Variants in ARF3 observed in about 807,000 individuals in gnomAD.
ARF3 encodes the protein ARF GTPase 3, also known as ADP-ribosylation factor 3.
Under a neutral mutation model 19.3 loss-of-function variants are expected in ARF3, and 5 were observed. The observed-to-expected ratio is 0.26, with a 90% CI of 0.14 to 0.54. The LOEUF (loss-of-function observed/expected upper bound fraction) is 0.54, where lower values mean the gene tolerates loss of function less well. ARF3 is among the 20% of genes least tolerant of loss of function. The pLI is 0.95. For missense variants in ARF3, 77 were observed against 234.2 expected (o/e 0.33, Z 4.38); for synonymous variants, 71 against 89.2 (o/e 0.80, Z 1.15).
Position 48,938,868 on chromosome 12 carries a change from AG to A in ARF3, c.*78del. On this transcript the variant is annotated 3_prime_UTR_variant, in exon 5 of 5. Transcript: ENST00000256682. ...GGGCCCTGGCCACACTTGCATGGAG[AG>A]GAAGGGGTAGGACTGGGGCAGGGTG... The A allele has an allele frequency of 2.6e-6, 4 of 1,536,450 alleles. No individual in the cohort carries two copies. In the South Asian group the frequency reaches 5.0e-5, roughly 19 times the overall value.
chr12:48,947,624 T>C (rs530432068), intron 1 of ARF3, among the ~76,000 whole-genome samples: 38 of 152,280 alleles, frequency 2.5e-4, no homozygotes, highest in South Asian at 2.5e-3. Flanking sequence ...CAAACATTTA[T>C]TGGGCATACT....
chr12:48,940,532 C>G (rs1940236451), intron 2 of ARF3, among the ~76,000 whole-genome samples: 1 of 152,206 alleles, frequency 6.6e-6, no homozygotes, highest in Non-Finnish European at 1.5e-5. Context: ...AGCCAGCTGA[C>G]AATGCTGACT....
intron 1 of ARF3, among the ~76,000 whole-genome samples, chr12:48,953,745 T>A (rs191565116): frequency 1.7e-3 from 255 of 152,354 alleles, no homozygotes; most frequent in African/African-American, 4.3e-3. Flanking sequence ...AATCCCTACT[T>A]TAGTCAGTTC....
At chr12:48,951,289 G>C (rs541287926) in intron 1 of ARF3, among the ~76,000 whole-genome samples, 1 of 152,306 alleles carries the variant, frequency 6.6e-6, no homozygotes, top group Non-Finnish European at 1.5e-5. Context: ...AGCCAGGCGC[G>C]GTGGCTCATA....
chr12:48,945,134 C>CT (rs1257308569), intron 1 of ARF3, among the ~76,000 whole-genome samples: 2 of 91,138 alleles, frequency 2.2e-5, no homozygotes, highest in Non-Finnish European at 4.1e-5. Flanking sequence ...GAGGAAGACT[C>CT]TGTCTTAAAA....
intron 1 of ARF3, among the ~76,000 whole-genome samples, chr12:48,948,351 C>A (rs1395226565): frequency 6.6e-6 from 1 of 151,528 alleles, no homozygotes; most frequent in East Asian, 1.9e-4. Flanking sequence ...CTCAAACAAT[C>A]CTACTGCCTC....
intron 1 of ARF3, among the ~76,000 whole-genome samples, chr12:48,944,469 C>G (rs833830): frequency 0.83 from 126,481 of 152,196 alleles, 53,980 homozygotes; most frequent in East Asian, 1. Flanking sequence ...ACTACCTTGT[C>G]GAGTTTTTCT....
intron 1 of ARF3, among the ~76,000 whole-genome samples, chr12:48,952,113 T>C (rs751760163): frequency 1.3e-5 from 2 of 152,160 alleles, no homozygotes; most frequent in Non-Finnish European, 2.9e-5. Flanking sequence ...GCTCAATTAG[T>C]GGTGTTTAGG....
rs1940184087 is a variant in ARF3, at chr12:48,938,275, G to A, written c.*672C>T. 3 of 407,636 alleles carry A rather than the reference G, an allele frequency of 7.4e-6. No homozygotes were observed. Among genetic ancestry groups the A allele is most frequent in the Non-Finnish European group, 1.5e-5 (3 of 200,324 alleles). 25.3% of individuals were successfully genotyped at this position (407,636 alleles called of 1,614,324 possible). The stretch of plus-strand genomic sequence containing the variant: ...TCATCCAGAAAAACCTACCTGCAGA[G>A]AGGAGGGTAACCAGTCAAAGACTGG... On this transcript the variant is annotated 3_prime_UTR_variant, in exon 5 of 5. Transcript: ENST00000256682.
chr12:48,952,909 C>A (rs1940493970), intron 1 of ARF3, among the ~76,000 whole-genome samples: 1 of 152,224 alleles, frequency 6.6e-6, no homozygotes, highest in African/African-American at 2.4e-5. Context: ...TCCTATCAGC[C>A]ACTGGATGGC....
rs1276535820 is a variant in ARF3 at position 48,938,879 on chromosome 12, G to C, written c.*68C>G. Reference sequence around the variant, plus strand: ...ACACTTGCATGGAGAGGAAGGGGTAGGACTGGGGCAGGGTGACAGTAGGTA... The same window carrying C: ...ACACTTGCATGGAGAGGAAGGGGTACGACTGGGGCAGGGTGACAGTAGGTA... On this transcript the variant is annotated 3_prime_UTR_variant, in exon 5 of 5. Coordinates refer to ENST00000256682, the MANE Select transcript of ARF3 (RefSeq NM_001659.3). 3 of 1,567,566 alleles carry C rather than the reference G, an allele frequency of 1.9e-6. No homozygotes were observed. Among genetic ancestry groups the C allele is most frequent in the East Asian group, 2.3e-5 (1 of 44,346 alleles).
In ARF3 at chr12:48,939,257, G is replaced by T; in HGVS notation, c.385-149C>A. 1.0e-6 allele frequency: 1 copy of T among 954,838 alleles called. No individual in the cohort carries two copies. The highest frequency in any genetic ancestry group is 1.5e-6 in the Non-Finnish European group (1 of 661,624). The allele number at this position is 954,838 out of a possible 1,614,324, so 59.1% of individuals were successfully genotyped here. On this transcript the variant is annotated intron_variant, in intron 4 of 4. Transcript: ENST00000256682. The surrounding 1 kb of genome is among the most constrained non-coding windows in gnomAD (Gnocchi z 4.8). The stretch of plus-strand genomic sequence containing the variant: ...AACAAGATCCTAAGGAGCTACTTTG[G>T]ATTTAGTCACCTAGAACTCAAGATC...
rs560961498 is a variant in ARF3, at chr12:48,948,268, A to G, written c.-93-7080T>C. ...ATAGCACTTTAAAAAAATTTATATA[A>G]TCTTTTTTTTTTTTTTAAAGAGATG... On this transcript the variant is annotated intron_variant, in intron 1 of 4. Coordinates refer to ENST00000256682, the MANE Select transcript of ARF3 (RefSeq NM_001659.3). Among the ~76,000 whole-genome samples the G allele has an allele frequency of 5.2e-4, 58 of 111,188 alleles. 2 individuals are homozygous for G. In the Middle Eastern group the frequency reaches 0.025, roughly 48 times the overall value. 72.9% of individuals were successfully genotyped at this position (111,188 alleles called of 152,430 possible).
chr12:48,944,045 A>G (rs1029598425), intron 1 of ARF3, among the ~76,000 whole-genome samples: 2 of 152,208 alleles, frequency 1.3e-5, no homozygotes, highest in Non-Finnish European at 2.9e-5. Context: ...ACACCTCATG[A>G]AATTTAAACC....
chr12:48,953,652 ATTCTGAGCCATTTCCT>A (rs1054170236), intron 1 of ARF3, among the ~76,000 whole-genome samples: 3 of 152,318 alleles, frequency 2.0e-5, no homozygotes, highest in East Asian at 3.9e-4. Flanking sequence ...GATCTCTAAC[ATTCTGAGCCATTTCCT>A]TTCTGGTCCA....
In ARF3 at chr12:48,936,146, C is replaced by T. The variant is rs1940138340; in HGVS notation, c.*2801G>A. The T allele has an allele frequency of 6.6e-6, 1 of 152,488 alleles. No individual in the cohort carries two copies. The highest frequency in any genetic ancestry group is 1.5e-5 in the Non-Finnish European group (1 of 68,058). The allele number at this position is 152,488 out of a possible 1,614,324, so 9.4% of individuals were successfully genotyped here. ...AGAGAGGGACCAGAAACAGGACTCCCCTCACCATGAAACTACTGTCCCACG... is the reference window on the plus strand; with the variant it reads ...AGAGAGGGACCAGAAACAGGACTCCTCTCACCATGAAACTACTGTCCCACG... On this transcript the variant is annotated 3_prime_UTR_variant, in exon 5 of 5. Coordinates refer to ENST00000256682, the MANE Select transcript of ARF3 (RefSeq NM_001659.3).
chr12:48,950,253 T>C (rs955960402), intron 1 of ARF3, among the ~76,000 whole-genome samples: 2 of 151,982 alleles, frequency 1.3e-5, no homozygotes, highest in Admixed American at 6.6e-5. Context: ...TGGAGTGCAG[T>C]GGCGTGATAG....
rs1166596420 is a variant in ARF3 at position 48,939,413 on chromosome 12, A to G, written c.384+242T>C. 6.6e-6 allele frequency among the ~76,000 whole-genome samples: 1 copy of G among 152,206 alleles called. No individual in the cohort carries two copies. Among genetic ancestry groups the G allele is most frequent in the African/African-American group, 2.4e-5 (1 of 41,460 alleles). On this transcript the variant is annotated intron_variant, in intron 4 of 4. Coordinates refer to ENST00000256682, the MANE Select transcript of ARF3 (RefSeq NM_001659.3). The surrounding 1 kb of genome is among the most constrained non-coding windows in gnomAD (Gnocchi z 4.8). The stretch of plus-strand genomic sequence containing the variant: ...CAGCAGGAGTGAGGCCAATTCTCCT[A>G]AAGTAGATAACAGGCAAGATGAAAG...
rs146636886 is a variant in ARF3 at position 48,945,915 on chromosome 12, G to A, written c.-93-4727C>T. On this transcript the variant is annotated intron_variant, in intron 1 of 4. Coordinates refer to ENST00000256682, the MANE Select transcript of ARF3 (RefSeq NM_001659.3). ...CCTCCCAAGTTCAAGTGATTCTTGT[G>A]CCTCAGCCTCCCGAGTAGCTGGGAT... 2.7e-3 allele frequency among the ~76,000 whole-genome samples: 416 copies of A among 152,268 alleles called. 1 individual carries two copies. Among genetic ancestry groups the A allele is most frequent in the African/African-American group, 9.3e-3 (385 of 41,548 alleles).
Sources: gnomAD v4.1 joint callset for allele counts (sites outside exome capture counted in the v4.1 genomes callset) on GRCh38, gnomAD v4.1.1 for gene constraint, Gnocchi (gnomAD v3.1) non-coding constraint, MANE v1.5 for transcripts, NCBI Gene and HGNC (gene_info 2026-07-23, HGNC 2026-07-21) for gene names.